PIGK: variants seen among roughly 807,000 people sequenced by gnomAD.
The protein encoded by PIGK is GPI-anchor transamidase.
Under a neutral mutation model 50.6 loss-of-function variants are expected in PIGK, and 42 were observed. That is an observed-to-expected ratio of 0.83 (90% confidence interval 0.65 to 1.07). The LOEUF (loss-of-function observed/expected upper bound fraction) is 1.07. Among genes scored for constraint, PIGK ranks in the 50% least tolerant of loss-of-function variants. The probability of loss-of-function intolerance (pLI) is 0.00; values close to 1 mark genes in which losing one functional copy is unlikely to be tolerated. For synonymous variants in PIGK, 151 were observed against 156.0 expected (o/e 0.97, Z 0.24); for missense variants, 448 against 488.7 (o/e 0.92, Z 0.78).
At chr1:77,182,000 C>A (rs868623630) in intron 3 of PIGK, among the ~76,000 whole-genome samples, 3 of 152,130 alleles carry the variant, frequency 2.0e-5, no homozygotes, top group Admixed American at 6.5e-5. Context: ...AAATGTTGAA[C>A]AATTAGCATT....
intron 3 of PIGK, among the ~76,000 whole-genome samples, chr1:77,175,038 C>A (rs1296988946): frequency 6.6e-6 from 1 of 151,962 alleles, no homozygotes; most frequent in Admixed American, 6.6e-5. Context: ...AAAGAAGAAA[C>A]CATAAAGCTT....
intron 10 of PIGK, among the ~76,000 whole-genome samples, chr1:77,108,964 A>G (rs1318681743): frequency 6.6e-6 from 1 of 152,118 alleles, no homozygotes; most frequent in Admixed American, 6.6e-5. Context: ...GGACTTCTCT[A>G]CATTGGTTAT....
intron 3 of PIGK, among the ~76,000 whole-genome samples, chr1:77,181,214 G>A (rs1343283961): frequency 2.0e-5 from 3 of 151,994 alleles, no homozygotes; most frequent in African/African-American, 7.2e-5. Flanking sequence ...TGAAAAACCA[G>A]GTAAGCCCTT....
At chr1:77,218,565 G>A (rs1301210654) in intron 1 of PIGK, among the ~76,000 whole-genome samples, 1 of 152,140 alleles carries the variant, frequency 6.6e-6, no homozygotes, top group East Asian at 1.9e-4. Context: ...TTTTTAAGAG[G>A]AGGTAGGATA....
rs894322510 is a variant in PIGK at position 77,113,295 on chromosome 1, C to T, written c.1071+8980G>A. On this transcript the variant is annotated intron_variant, in intron 10 of 10. Transcript: ENST00000370812. ...AGAAAGGCAGAAAAGTTAATTACTA[C>T]CAAGTATCTTAATATTCAAAGCAAT... is the stretch of plus-strand genomic sequence containing the variant. Among the ~76,000 whole-genome samples, 9 of 152,162 alleles carry T rather than the reference C, an allele frequency of 5.9e-5. No individual in the cohort carries two copies. The South Asian group carries it at 1.9e-3, about 32-fold the overall frequency.
chr1:77,195,347 C>T (rs990472202), intron 3 of PIGK: 3 of 1,272,248 alleles, frequency 2.4e-6, no homozygotes, highest in Non-Finnish European at 3.4e-6. Context: ...AGCCAGCGGG[C>T]GGAGGCACAG....
At position 77,193,245 on chromosome 1, in the gene PIGK, A is replaced by ATGTGTGTGTGTGTGTGTG. The variant is rs56987496; in HGVS notation, c.239+13377_239+13394dup. ...TGTTAGCTGACAGTGTGGCATGAGA[A>ATGTGTGTGTGTGTGTGTG]TGTGTGTGTGTGTGTGTGTGTGTGT... On this transcript the variant is annotated intron_variant, in intron 3 of 10. Transcript: ENST00000370812. Among the ~76,000 whole-genome samples the ATGTGTGTGTGTGTGTGTG allele has an allele frequency of 7.0e-3, 1,012 of 144,850 alleles. 15 individuals carry two copies. The highest frequency in any genetic ancestry group is 0.024 in the African/African-American group (922 of 38,488).
At chr1:77,093,427 T>C (rs1653340966) in intron 10 of PIGK, among the ~76,000 whole-genome samples, 1 of 152,142 alleles carries the variant, frequency 6.6e-6, no homozygotes, top group Non-Finnish European at 1.5e-5. Context: ...GCCAAGACTG[T>C]AATGACAGTT....
chr1:77,130,058 T>A (rs531122258), intron 9 of PIGK, among the ~76,000 whole-genome samples: 29 of 151,930 alleles, frequency 1.9e-4, no homozygotes, highest in African/African-American at 6.7e-4. Context: ...TCTTTTTTCT[T>A]CTATTTGGTT....
chr1:77,212,094 T>C (rs1428664251), intron 1 of PIGK, among the ~76,000 whole-genome samples: 1 of 152,112 alleles, frequency 6.6e-6, no homozygotes, highest in African/African-American at 2.4e-5. Flanking sequence ...TTCACCAATC[T>C]ATTAAAGTAA....
chr1:77,094,308 T>C (rs980977828), intron 10 of PIGK, among the ~76,000 whole-genome samples: 2 of 152,142 alleles, frequency 1.3e-5, no homozygotes, highest in Admixed American at 6.6e-5. Flanking sequence ...CTCATTTATA[T>C]GGCATTTAAA....
rs2100551511 is a variant in PIGK, at chr1:77,154,613, T to C, written c.822A>G (p.Val274=). The C allele has an allele frequency of 1.2e-6, 2 of 1,604,938 alleles. No homozygotes were observed. ...TAGACACACACAGACTTTTGGGACA[T>C]ACCTGAAACTGAAAAAATATATAAT... ...SQTNMNDLFQ[V]CPKSLCVSTP... The change falls in exon 9 of 11, where the codon GTA becomes GTG. Residue 274 remains valine, a synonymous_variant. Coordinates refer to ENST00000370812, the MANE Select transcript of PIGK (RefSeq NM_005482.3).
At chr1:77,097,804 A>T (rs903576837) in intron 10 of PIGK, among the ~76,000 whole-genome samples, 4 of 152,158 alleles carry the variant, frequency 2.6e-5, no homozygotes, top group Admixed American at 2.6e-4. Context: ...TAAATATTTT[A>T]AAAAATCATT....
intron 7 of PIGK, 26 bp from the exon 8 acceptor site, chr1:77,161,431 T>C: frequency 7.9e-7 from 1 of 1,259,666 alleles, no homozygotes; most frequent in Non-Finnish European, 1.2e-6. Flanking sequence ...AAAAAAGTAT[T>C]TCTAACAGTA....
intron 9 of PIGK, chr1:77,129,286 T>G: frequency 6.2e-7 from 1 of 1,606,968 alleles, no homozygotes; most frequent in Non-Finnish European, 8.5e-7. Flanking sequence ...AAACAGTGTG[T>G]ACCATTCCGA....
At chr1:77,122,837 G>A (rs146852726) in intron 9 of PIGK, among the ~76,000 whole-genome samples, 39 of 152,116 alleles carry the variant, frequency 2.6e-4, no homozygotes, top group African/African-American at 8.4e-4. Flanking sequence ...ATATCTGTTT[G>A]GACCAACCAA....
intron 3 of PIGK, among the ~76,000 whole-genome samples, chr1:77,203,443 C>T (rs1440090130): frequency 6.6e-6 from 1 of 152,036 alleles, no homozygotes; most frequent in African/African-American, 2.4e-5. Context: ...GTACAAAGTA[C>T]AAAAACCTCA....
chr1:77,155,874 C>T (rs972880382), intron 8 of PIGK, among the ~76,000 whole-genome samples: 2 of 152,224 alleles, frequency 1.3e-5, no homozygotes, highest in Non-Finnish European at 2.9e-5. Context: ...ACACAGTGTT[C>T]CAAGCACTGT....
chr1:77,165,233 T>C (rs913974275), intron 5 of PIGK, among the ~76,000 whole-genome samples: 20 of 152,112 alleles, frequency 1.3e-4, no homozygotes, highest in African/African-American at 4.6e-4. Flanking sequence ...TAATAATAAA[T>C]CCTTTAGTTT....
Sources: gnomAD v4.1 joint callset for allele counts (sites outside exome capture counted in the v4.1 genomes callset) on GRCh38, gnomAD v4.1.1 for gene constraint, MANE v1.5 for transcripts, NCBI Gene and HGNC (gene_info 2026-07-23, HGNC 2026-07-21) for gene names.